Variants in SGCG observed in about 807,000 individuals in gnomAD.
The protein encoded by SGCG is sarcoglycan gamma.
Under a neutral mutation model 29.3 loss-of-function variants are expected in SGCG, and 26 were observed. The ratio of observed to expected loss-of-function variants is 0.89; its 90% CI spans 0.65 to 1.23. The LOEUF (loss-of-function observed/expected upper bound fraction) is 1.23, where lower values mean the gene tolerates loss of function less well. Ranked by LOEUF, SGCG falls within the 50% of genes most tolerant of loss-of-function variation. SGCG has a pLI of 0.00. For synonymous variants in SGCG, 145 were observed against 129.7 expected (o/e 1.12, Z -0.80); for missense variants, 353 against 356.0 (o/e 0.99, Z 0.07).
the SGCG span, among the ~76,000 whole-genome samples, chr13:23,167,602 G>A: frequency 6.6e-6 from 1 of 152,094 alleles, no homozygotes; most frequent in Non-Finnish European, 1.5e-5. Flanking sequence ...TTTTAGCTGG[G>A]GTGAGACAGT....
At chr13:23,275,120 AATATATATAT>A (rs55873099) in intron 4 of SGCG, among the ~76,000 whole-genome samples, 6 of 129,926 alleles carry the variant, frequency 4.6e-5, no homozygotes, top group Non-Finnish European at 8.4e-5. Flanking sequence ...TAATGGATGG[AATATATATAT>A]ATATATATAT....
intron 1 of SGCG, among the ~76,000 whole-genome samples, chr13:23,203,466 A>T (rs1207100577): frequency 2.0e-5 from 3 of 152,232 alleles, no homozygotes; most frequent in Admixed American, 2.0e-4. Context: ...CGTTTATCAT[A>T]TATAAAATAT....
chr13:23,279,801 C>T (rs1464502839), intron 5 of SGCG, among the ~76,000 whole-genome samples: 1 of 150,972 alleles, frequency 6.6e-6, no homozygotes, highest in Non-Finnish European at 1.5e-5. Flanking sequence ...AATCTCGGCT[C>T]ACTGCAACCT....
intron 4 of SGCG, among the ~76,000 whole-genome samples, chr13:23,271,347 C>T (rs1431217512): frequency 1.3e-5 from 2 of 152,052 alleles, no homozygotes; most frequent in Admixed American, 6.5e-5. Flanking sequence ...CTTCCCTGGG[C>T]CACACTGGAA....
intron 1 of SGCG, among the ~76,000 whole-genome samples, chr13:23,199,662 T>C (rs1188221480): frequency 6.6e-6 from 1 of 152,196 alleles, no homozygotes. Flanking sequence ...TGCAATGCAG[T>C]GAACACTGGT....
At chr13:23,201,530 G>A (rs990893184) in intron 1 of SGCG, among the ~76,000 whole-genome samples, 3 of 152,094 alleles carry the variant, frequency 2.0e-5, no homozygotes, top group East Asian at 1.9e-4. Flanking sequence ...GCAGAGGCTC[G>A]AGCAAGGAAC....
At chr13:23,211,971 G>A (rs546706284) in intron 2 of SGCG, among the ~76,000 whole-genome samples, 1 of 152,122 alleles carries the variant, frequency 6.6e-6, no homozygotes, top group Admixed American at 6.6e-5. Context: ...TTCATGAATG[G>A]CTTGGCACCA....
intron 5 of SGCG, among the ~76,000 whole-genome samples, chr13:23,283,926 G>A (rs7336643): frequency 0.43 from 65,951 of 152,096 alleles, 15,139 homozygotes; most frequent in Middle Eastern, 0.65. Flanking sequence ...AATGTTGAAT[G>A]TTGGCTCCCA....
upstream of SGCG, among the ~76,000 whole-genome samples, chr13:23,176,278 A>G (rs1363686676): frequency 1.3e-5 from 2 of 152,156 alleles, no homozygotes; most frequent in South Asian, 2.1e-4. Flanking sequence ...ACGGCTCACT[A>G]CATGTAGACA....
At chr13:23,190,949 A>G (rs1877223821) in intron 1 of SGCG, among the ~76,000 whole-genome samples, 1 of 152,210 alleles carries the variant, frequency 6.6e-6, no homozygotes, top group African/African-American at 2.4e-5. Flanking sequence ...GTTGATAATA[A>G]CCTTCAGAAA....
At chr13:23,275,422 G>A (rs1281181865) in intron 4 of SGCG, among the ~76,000 whole-genome samples, 3 of 151,494 alleles carry the variant, frequency 2.0e-5, no homozygotes, top group Non-Finnish European at 4.4e-5. Context: ...AGAATCGCTT[G>A]AACCCGGGAG....
intron 1 of SGCG, among the ~76,000 whole-genome samples, chr13:23,202,100 T>A (rs1877791034): frequency 6.6e-6 from 1 of 152,162 alleles, no homozygotes; most frequent in African/African-American, 2.4e-5. Flanking sequence ...TGTTGAAGAG[T>A]ATCTACTCTT....
At chr13:23,279,018 G>A (rs1881199281) in intron 4 of SGCG, among the ~76,000 whole-genome samples, 1 of 152,134 alleles carries the variant, frequency 6.6e-6, no homozygotes, top group African/African-American at 2.4e-5. Context: ...AGATTCTTAG[G>A]TGGTTAATAA....
At chr13:23,230,839 G>C (rs115684760) in intron 2 of SGCG, among the ~76,000 whole-genome samples, 1,604 of 152,302 alleles carry the variant, frequency 0.011, 27 homozygotes, top group African/African-American at 0.036. Flanking sequence ...GGAGTGGTAA[G>C]AGAGGGCCTC....
At chr13:23,245,683 G>A (rs1462792535) in intron 3 of SGCG, 3 of 152,150 alleles carry the variant, frequency 2.0e-5, no homozygotes, top group African/African-American at 7.2e-5. Flanking sequence ...AATTTTCTGG[G>A]TGATTATAAC....
chr13:23,249,240 T>C lies in SGCG; in HGVS notation c.298-1390T>C, dbSNP rs74038012. Among the ~76,000 whole-genome samples the C allele has an allele frequency of 1.5e-3, 235 of 152,298 alleles. 1 individual carries two copies. Among genetic ancestry groups the C allele is most frequent in the African/African-American group, 4.9e-3 (204 of 41,564 alleles). On this transcript the variant is annotated intron_variant, in intron 3 of 7. Transcript: ENST00000218867. Reference sequence around the variant, plus strand: ...CCTCCCATCCTGGAGACATCAGAGTTGTGAAGGTAGCCAGTAATCTAGAAA... The same window carrying C: ...CCTCCCATCCTGGAGACATCAGAGTCGTGAAGGTAGCCAGTAATCTAGAAA...
At chr13:23,232,762 A>G (rs1879159628) in intron 2 of SGCG, among the ~76,000 whole-genome samples, 1 of 152,212 alleles carries the variant, frequency 6.6e-6, no homozygotes, top group African/African-American at 2.4e-5. Flanking sequence ...AGCCTGGGCG[A>G]CAGTACAAGA....
intron 2 of SGCG, among the ~76,000 whole-genome samples, chr13:23,232,278 A>G (rs1879142933): frequency 6.6e-6 from 1 of 152,208 alleles, no homozygotes; most frequent in East Asian, 1.9e-4. Flanking sequence ...GCATAATCAC[A>G]TATTTAATTT....
rs568728683 is a variant in SGCG, at chr13:23,223,864, G to A, written c.196-10747G>A. On this transcript the variant is annotated intron_variant, in intron 2 of 7. Transcript: ENST00000218867. ...GCCTGTAATCCCAGCTACTCGGGAG[G>A]CTGAGGCAAGAGAATCGCTTGAACC... 6.7e-4 allele frequency among the ~76,000 whole-genome samples: 102 copies of A among 152,110 alleles called. 1 individual carries two copies. The highest frequency in any genetic ancestry group is 1.3e-3 in the Non-Finnish European group (91 of 68,014).
Sources: gnomAD v4.1 joint callset for allele counts (sites outside exome capture counted in the v4.1 genomes callset) on GRCh38, gnomAD v4.1.1 for gene constraint, MANE v1.5 for transcripts, NCBI Gene and HGNC (gene_info 2026-07-23, HGNC 2026-07-21) for gene names.